The following STK32B variants were observed in gnomAD, a reference collection of about 807,000 sequenced individuals.
STK32B encodes the protein serine/threonine-protein kinase 32B.
In STK32B, 43 loss-of-function variants were observed where a neutral mutation model predicts 52.6. The observed-to-expected ratio is 0.82, with a 90% CI of 0.64 to 1.05. The LOEUF (loss-of-function observed/expected upper bound fraction) is 1.05, where lower values mean the gene tolerates loss of function less well. Among genes scored for constraint, STK32B ranks in the 50% least tolerant of loss-of-function variants. The probability of loss-of-function intolerance (pLI) is 0.00; values close to 1 mark genes in which losing one functional copy is unlikely to be tolerated. For missense variants in STK32B, 621 were observed against 534.6 expected (o/e 1.16, Z -1.59); for synonymous variants, 238 against 204.3 (o/e 1.17, Z -1.41).
intron 3 of STK32B, among the ~76,000 whole-genome samples, chr4:5,253,369 TTTGTTGTTG>T (rs547118087): frequency 6.6e-6 from 1 of 151,888 alleles, no homozygotes; most frequent in Non-Finnish European, 1.5e-5. Flanking sequence ...AATGTTTAGA[TTTGTTGTTG>T]TTGTTGTTGT....
chr4:5,283,945 A>C (rs1290974134), intron 3 of STK32B, among the ~76,000 whole-genome samples: 1 of 152,222 alleles, frequency 6.6e-6, no homozygotes, highest in Non-Finnish European at 1.5e-5. Flanking sequence ...ATATACTGCC[A>C]TACTGAGAAT....
chr4:5,204,400 TTTTG>T (rs1041541944), intron 3 of STK32B, among the ~76,000 whole-genome samples: 107 of 152,270 alleles, frequency 7.0e-4, no homozygotes, highest in African/African-American at 2.0e-3. Flanking sequence ...TCCTGGGGTT[TTTTG>T]TTTGTTTGTT....
chr4:5,311,915 T>TATATATATATATATATATATATATA lies in STK32B; in HGVS notation c.261-19305_261-19304insATATATATATATATATATATATATA, dbSNP rs1228362253. On this transcript the variant is annotated intron_variant, in intron 3 of 11. Coordinates refer to ENST00000282908, the MANE Select transcript of STK32B (RefSeq NM_018401.3). ...AAGTGCATACTTTTATATATATATA[T>TATATATATATATATATATATATATA]TTTTTTTTAAAGTTTATTCTTATTT... 1.4e-3 allele frequency among the ~76,000 whole-genome samples: 188 copies of TATATATATATATATATATATATATA among 135,388 alleles called. 2 individuals carry two copies. The highest frequency in any genetic ancestry group is 8.3e-3 in the South Asian group (38 of 4,552). The allele number at this position is 135,388 out of a possible 152,430, so 88.8% of individuals were successfully genotyped here. A position where few individuals can be genotyped will look rare whatever the true frequency, so the allele number is the denominator to read the frequency against.
chr4:5,304,813 T>C (rs963772711), intron 3 of STK32B, among the ~76,000 whole-genome samples: 4 of 152,076 alleles, frequency 2.6e-5, no homozygotes, highest in African/African-American at 9.7e-5. Context: ...AGTAGAATAT[T>C]GGCTGTGGGT....
chr4:5,277,901 C>T (rs962511555), intron 3 of STK32B, among the ~76,000 whole-genome samples: 2 of 152,210 alleles, frequency 1.3e-5, no homozygotes, highest in Admixed American at 1.3e-4. Flanking sequence ...GCCTGTCACT[C>T]AGCAGGTGTT....
chr4:5,165,994 G>A (rs757633512), intron 2 of STK32B, among the ~76,000 whole-genome samples: 1 of 152,146 alleles, frequency 6.6e-6, no homozygotes, highest in African/African-American at 2.4e-5. Context: ...TGCTGACTCA[G>A]TTCAGAAATA....
intron 11 of STK32B, among the ~76,000 whole-genome samples, chr4:5,491,415 T>G (rs1719724529): frequency 6.6e-6 from 1 of 152,232 alleles, no homozygotes; most frequent in African/African-American, 2.4e-5. Context: ...ACCCACTTTT[T>G]GATGGGGTTG....
intron 4 of STK32B, among the ~76,000 whole-genome samples, chr4:5,374,818 A>C (rs1459588613): frequency 1.3e-5 from 2 of 152,092 alleles, no homozygotes; most frequent in Non-Finnish European, 2.9e-5. Flanking sequence ...AGCAGTGAGC[A>C]TAAAAATAAA....
intron 1 of STK32B, among the ~76,000 whole-genome samples, chr4:5,054,514 G>A (rs1014229949): frequency 6.6e-4 from 55 of 83,188 alleles, no homozygotes; most frequent in African/African-American, 2.6e-3. Flanking sequence ...TGGCTCATGT[G>A]GGGGGATTGA....
At chr4:5,438,002 G>A in intron 6 of STK32B, 1 of 985,510 alleles carries the variant, frequency 1.0e-6, no homozygotes. Context: ...GTCTGATCAT[G>A]ACAGCCAGGA....
chr4:5,105,416 C>T (rs1316817216), intron 1 of STK32B, among the ~76,000 whole-genome samples: 1 of 152,136 alleles, frequency 6.6e-6, no homozygotes, highest in Non-Finnish European at 1.5e-5. Flanking sequence ...TATTTAGTCT[C>T]TTTTCTAATT....
intron 3 of STK32B, among the ~76,000 whole-genome samples, chr4:5,197,744 G>A (rs1292252162): frequency 2.6e-5 from 4 of 152,068 alleles, no homozygotes; most frequent in African/African-American, 7.2e-5. Context: ...TTTTATTCAT[G>A]TTTTCTTAAG....
At chr4:5,415,110 G>A (rs996812990) in intron 5 of STK32B, among the ~76,000 whole-genome samples, 2 of 152,136 alleles carry the variant, frequency 1.3e-5, no homozygotes, top group Non-Finnish European at 2.9e-5. Context: ...GGAATAGGAG[G>A]GTGCAGGAGA....
chr4:5,278,032 C>G (rs1031324149), intron 3 of STK32B, among the ~76,000 whole-genome samples: 3 of 152,174 alleles, frequency 2.0e-5, no homozygotes, highest in Admixed American at 1.3e-4. Flanking sequence ...AGCAATTGAT[C>G]AAGAAGCCAC....
intron 7 of STK32B, among the ~76,000 whole-genome samples, chr4:5,456,418 G>C (rs987799971): frequency 7.2e-5 from 11 of 152,272 alleles, no homozygotes; most frequent in Non-Finnish European, 1.5e-4. Context: ...GGCCCAGCAA[G>C]TGGGGGCTAT....
chr4:5,127,705 GCAGCTGCA>G (rs1468448125), intron 1 of STK32B, among the ~76,000 whole-genome samples: 8 of 152,176 alleles, frequency 5.3e-5, no homozygotes, highest in Non-Finnish European at 1.0e-4. Flanking sequence ...TTGGAGCCAT[GCAGCTGCA>G]AGTCAGGGAA....
chr4:5,177,890 T>A (rs1231207393), intron 3 of STK32B, among the ~76,000 whole-genome samples: 1 of 152,244 alleles, frequency 6.6e-6, no homozygotes, highest in Non-Finnish European at 1.5e-5. Context: ...CCTCTGTGGC[T>A]TTGCAGGGTA....
chr4:5,054,791 T>G (rs1038577010), intron 1 of STK32B, among the ~76,000 whole-genome samples: 8 of 152,300 alleles, frequency 5.3e-5, no homozygotes, highest in African/African-American at 1.9e-4. Context: ...TTTAAGTACT[T>G]TGATGTTAAA....
At chr4:5,100,524 C>G (rs1316550703) in intron 1 of STK32B, among the ~76,000 whole-genome samples, 8 of 121,208 alleles carry the variant, frequency 6.6e-5, no homozygotes, top group African/African-American at 1.7e-4. Context: ...TCCTTCTTCT[C>G]TCTTTCCTTC....
Sources: allele counts gnomAD v4.1 joint callset (sites outside exome capture counted in the v4.1 genomes callset), GRCh38; gene constraint gnomAD v4.1.1; transcripts MANE v1.5; gene names NCBI Gene and HGNC (gene_info 2026-07-23, HGNC 2026-07-21).